Variants in NAA15 observed in about 807,000 individuals in gnomAD.
The protein encoded by NAA15 is N-alpha-acetyltransferase 15, NatA auxiliary subunit, also known as N-terminal acetyltransferase.
In NAA15, 34 loss-of-function variants were observed where a neutral mutation model predicts 114.0. That is an observed-to-expected ratio of 0.30 (90% CI 0.23 to 0.40). NAA15 has a LOEUF of 0.40. Among genes scored for constraint, NAA15 ranks in the 10% least tolerant of loss-of-function variants. NAA15 has a pLI of 1.00. For synonymous variants in NAA15, 340 were observed against 338.0 expected (o/e 1.01, Z -0.06); for missense variants, 658 against 1,004.5 (o/e 0.66, Z 4.66).
intron 1 of NAA15, 120 bp downstream of exon 1, chr4:139,301,951 T>G: frequency 9.0e-7 from 1 of 1,110,130 alleles, no homozygotes; most frequent in Non-Finnish European, 1.3e-6. Context: ...CCTTCATAGC[T>G]CTCGTCAGGC....
intron 1 of NAA15, among the ~76,000 whole-genome samples, chr4:139,314,992 TCAGTTC>T (rs1560952673): frequency 0.1 from 8,499 of 83,128 alleles, 1,114 homozygotes; most frequent in Non-Finnish European, 0.13. Context: ...AGCGTTCAGT[TCAGTTC>T]AGTTTAGTTT....
At chr4:139,386,330 T>C in intron 19 of NAA15, 100 bp downstream of exon 19, 1 of 578,412 alleles carries the variant, frequency 1.7e-6, no homozygotes, top group Non-Finnish European at 3.0e-6. Flanking sequence ...TAAATCATTA[T>C]GAATCTGGGT....
rs1163296082 is a variant in NAA15 at position 139,338,360 on chromosome 4, A to G, written c.244+1408A>G. On this transcript the variant is annotated intron_variant, in intron 3 of 19. Coordinates refer to ENST00000296543, the MANE Select transcript of NAA15 (RefSeq NM_057175.5). ...TTATTTTTCAAATAAAATTTGTAATATTTTGACTTGCTTTAAAAATGTGTA... is the reference window on the plus strand; with the variant it reads ...TTATTTTTCAAATAAAATTTGTAATGTTTTGACTTGCTTTAAAAATGTGTA... 2.6e-5 allele frequency among the ~76,000 whole-genome samples: 4 copies of G among 152,204 alleles called. No individual in the cohort carries two copies. The East Asian group carries it at 7.7e-4, about 29-fold the overall frequency.
intron 8 of NAA15, 81 bp downstream of exon 8, chr4:139,351,367 A>C (rs1747773251): frequency 9.0e-7 from 1 of 1,105,398 alleles, no homozygotes; most frequent in South Asian, 1.3e-5. Context: ...ATGAGTATGC[A>C]TATTAAGTTT....
At chr4:139,379,614 T>C (rs1392920352) in intron 17 of NAA15, among the ~76,000 whole-genome samples, 1 of 152,098 alleles carries the variant, frequency 6.6e-6, no homozygotes, top group Non-Finnish European at 1.5e-5. Flanking sequence ...GGGGGAGAAA[T>C]AGAACCTTTA....
At chr4:139,302,694 T>G (rs1379448079) in intron 1 of NAA15, 1 of 152,258 alleles carries the variant, frequency 6.6e-6, no homozygotes, top group African/African-American at 2.4e-5. Context: ...ATATAAGAAC[T>G]TTTGAGATGG....
rs943888034 is a variant in NAA15 at position 139,388,607 on chromosome 4, C to G, written c.*523C>G. The G allele has an allele frequency of 6.0e-4, 93 of 153,778 alleles. 4 individuals are homozygous for G. Among genetic ancestry groups the G allele is most frequent in the Non-Finnish European group, 4.3e-5 (3 of 68,974 alleles). The allele number at this position is 153,778 out of a possible 1,614,324, so 9.5% of individuals were successfully genotyped here. A position where few individuals can be genotyped will look rare whatever the true frequency, so the allele number is the denominator to read the frequency against. ...TGTGAATCACTATTTACAGAGAAAC[C>G]TACAACAGATGCTTGATGTTGTAGA... On this transcript the variant is annotated 3_prime_UTR_variant, in exon 20 of 20. Transcript: ENST00000296543.
intron 6 of NAA15, 73 bp from the exon 7 acceptor site, chr4:139,349,389 G>A (rs966867097): frequency 3.0e-6 from 4 of 1,334,688 alleles, no homozygotes; most frequent in Non-Finnish European, 4.1e-6. Flanking sequence ...GAGAAATTTT[G>A]AGGAAAAGTT....
chr4:139,303,039 G>C (rs1359201914), intron 1 of NAA15, among the ~76,000 whole-genome samples: 7 of 152,182 alleles, frequency 4.6e-5, no homozygotes, highest in African/African-American at 1.4e-4. Context: ...GAACAACTCT[G>C]GGGATTCAGT....
At chr4:139,321,471 GTTTTT>G (rs909254599) in intron 1 of NAA15, among the ~76,000 whole-genome samples, 5 of 113,236 alleles carry the variant, frequency 4.4e-5, no homozygotes, top group African/African-American at 1.4e-4. Context: ...GCCCTTATTT[GTTTTT>G]TTTTTTTTTT....
At chr4:139,368,067 CAA>C (rs1056476464) in intron 14 of NAA15, among the ~76,000 whole-genome samples, 65 of 152,000 alleles carry the variant, frequency 4.3e-4, no homozygotes, top group African/African-American at 1.4e-3. Flanking sequence ...TCCCTGGCTC[CAA>C]AGTTATTCCC....
chr4:139,310,620 T>G (rs1407901836), intron 1 of NAA15, among the ~76,000 whole-genome samples: 1 of 151,710 alleles, frequency 6.6e-6, no homozygotes, highest in Non-Finnish European at 1.5e-5. Context: ...TTAAATTTAT[T>G]TTTATTATTA....
At chr4:139,358,108 G>A (rs530768085) in intron 11 of NAA15, among the ~76,000 whole-genome samples, 15 of 152,020 alleles carry the variant, frequency 9.9e-5, no homozygotes, top group African/African-American at 3.4e-4. Flanking sequence ...TTGAGGGACT[G>A]ATAATAAACC....
Position 139,345,920 on chromosome 4 carries a change from C to CA in NAA15, c.691+1591dup, listed in dbSNP as rs529482097. Among the ~76,000 whole-genome samples, 624 of 144,246 alleles carry CA rather than the reference C, an allele frequency of 4.3e-3. 3 individuals are homozygous for CA. The highest frequency in any genetic ancestry group is 6.3e-3 in the Non-Finnish European group (416 of 65,530). The allele number at this position is 144,246 out of a possible 152,430, so 94.6% of individuals were successfully genotyped here. On this transcript the variant is annotated intron_variant, in intron 6 of 19. Coordinates refer to ENST00000296543, the MANE Select transcript of NAA15 (RefSeq NM_057175.5). ...TGGGCAACAGAGCAAGACTCCGTAT[C>CA]AAAAAAAAAAGGGAGTGGGAGTAGA...
chr4:139,332,605 C>G (rs1367200070), intron 1 of NAA15, among the ~76,000 whole-genome samples: 1 of 53,560 alleles, frequency 1.9e-5, no homozygotes, highest in African/African-American at 1.0e-4. Flanking sequence ...TTTTTTGAGA[C>G]GGAGTCTCAC....
Position 139,301,765 on chromosome 4 carries a change from A to G in NAA15, c.-13A>G. ...GCCGGGTGGTGGCGGGAGCAGCGGG[A>G]GCAGCCGGAACGATGCCGGCCGTGA... On this transcript the variant is annotated 5_prime_UTR_variant, in exon 1 of 20. Coordinates refer to ENST00000296543, the MANE Select transcript of NAA15 (RefSeq NM_057175.5). 6.4e-7 allele frequency: 1 copy of G among 1,566,046 alleles called. No homozygotes were observed. The highest frequency in any genetic ancestry group is 2.4e-5 in the East Asian group (1 of 41,400).
intron 1 of NAA15, chr4:139,318,503 TAAG>T (rs1411082817): frequency 2.4e-4 from 36 of 152,102 alleles, no homozygotes; most frequent in African/African-American, 6.7e-4. Context: ...ATAAAAAAAA[TAAG>T]TAAAACATAG....
intron 1 of NAA15, among the ~76,000 whole-genome samples, chr4:139,332,657 A>C (rs1484774691): frequency 8.0e-6 from 1 of 125,618 alleles, no homozygotes; most frequent in Non-Finnish European, 1.5e-5. Context: ...ATCTCTGCTC[A>C]CTGCAACCTC....
Position 139,370,364 on chromosome 4 carries a change from G to T in NAA15, c.1907G>T (p.Gly636Val). Residue 636 changes from glycine to valine, a missense_variant, in exon 15 of 20, where the codon GGA becomes GTA. Physicochemically the swap from Gly to Val is moderately radical, Grantham distance 109. Around this residue, in one of 6 missense-constraint regions of NAA15, gnomAD observed 275 missense variants for 371.1 expected, o/e 0.74. Transcript: ENST00000296543. ...KKKDDDDEEI[G>V]GPKEELIPEK... Reference sequence around the variant, plus strand: ...AAGGATGATGATGATGAGGAGATAGGAGGTCCAAAAGAAGAACTTATTCCA... The same window carrying T: ...AAGGATGATGATGATGAGGAGATAGTAGGTCCAAAAGAAGAACTTATTCCA... 1 of 1,584,840 alleles carries T rather than the reference G, an allele frequency of 6.3e-7. No homozygotes were observed. Among genetic ancestry groups the T allele is most frequent in the South Asian group, 1.2e-5 (1 of 84,704 alleles).
Sources: allele counts gnomAD v4.1 joint callset (sites outside exome capture counted in the v4.1 genomes callset), GRCh38; gene constraint gnomAD v4.1.1; regional missense constraint gnomAD v4.1.1; transcripts MANE v1.5; gene names NCBI Gene and HGNC (gene_info 2026-07-23, HGNC 2026-07-21).